CSMD1: variants seen among roughly 807,000 people sequenced by gnomAD.
CSMD1 encodes the protein CUB and sushi domain-containing protein 1.
Under a neutral mutation model 417.5 loss-of-function variants are expected in CSMD1, and 213 were observed. The ratio of observed to expected loss-of-function variants is 0.51; its 90% confidence interval spans 0.46 to 0.57. The LOEUF (loss-of-function observed/expected upper bound fraction) is 0.57. Among genes scored for constraint, CSMD1 ranks in the 20% least tolerant of loss-of-function variants. CSMD1 has a pLI of 0.00. For missense variants in CSMD1, 6,923 were observed against 4,529.7 expected (o/e 1.53, Z -15.17); for synonymous variants, 2,862 against 1,736.8 (o/e 1.65, Z -16.11).
intron 5 of CSMD1, among the ~76,000 whole-genome samples, chr8:3,876,915 C>A (rs565895125): frequency 6.6e-6 from 1 of 152,202 alleles, no homozygotes; most frequent in Non-Finnish European, 1.5e-5. Flanking sequence ...TCTGTCCAGC[C>A]TCTCATGCTT....
chr8:3,995,140 A>C (rs969413703), intron 5 of CSMD1, among the ~76,000 whole-genome samples: 3 of 152,228 alleles, frequency 2.0e-5, no homozygotes, highest in African/African-American at 7.2e-5. Flanking sequence ...TAGGCTTTTT[A>C]AGATAAATCA....
At chr8:4,118,507 G>A (rs575413587) in intron 3 of CSMD1, among the ~76,000 whole-genome samples, 57 of 152,226 alleles carry the variant, frequency 3.7e-4, no homozygotes, top group African/African-American at 1.3e-3. Flanking sequence ...ATCATCACTG[G>A]TCACTAGAGA....
chr8:4,704,792 T>G (rs1427631163), intron 1 of CSMD1, among the ~76,000 whole-genome samples: 1 of 152,212 alleles, frequency 6.6e-6, no homozygotes, highest in Non-Finnish European at 1.5e-5. Flanking sequence ...GCAGTTGTCC[T>G]AACCAGCCTG....
intron 3 of CSMD1, among the ~76,000 whole-genome samples, chr8:4,065,533 C>G (rs962620203): frequency 2.0e-5 from 3 of 146,970 alleles, no homozygotes; most frequent in African/African-American, 7.6e-5. Context: ...TATCAAGAAA[C>G]TGTATGTTTC....
At chr8:3,055,413 A>G (rs1812148985) in intron 49 of CSMD1, among the ~76,000 whole-genome samples, 1 of 152,190 alleles carries the variant, frequency 6.6e-6, no homozygotes, top group African/African-American at 2.4e-5. Flanking sequence ...ACGGTTGGCA[A>G]TGGGTCAAAA....
chr8:3,056,068 C>T lies in CSMD1; in HGVS notation c.7475-3421G>A, dbSNP rs530878517. Among the ~76,000 whole-genome samples the T allele has an allele frequency of 4.6e-5, 7 of 152,334 alleles. No individual in the cohort carries two copies. In the South Asian group the frequency reaches 1.0e-3, roughly 23 times the overall value. On this transcript the variant is annotated intron_variant, in intron 49 of 69. Transcript: ENST00000635120. ...GAATATGTTTTGTATTACACATACA[C>T]ACATAAAATTTTTACTTATTTATTT...
chr8:3,540,310 C>G (rs1408466022), intron 10 of CSMD1, among the ~76,000 whole-genome samples: 1 of 152,128 alleles, frequency 6.6e-6, no homozygotes, highest in African/African-American at 2.4e-5. Flanking sequence ...GATAACTCTT[C>G]TTAGAAATAC....
intron 25 of CSMD1, among the ~76,000 whole-genome samples, chr8:3,305,726 T>G (rs114775627): frequency 2.0e-5 from 3 of 152,148 alleles, no homozygotes; most frequent in African/African-American, 7.2e-5. Context: ...GTTGCCCAGG[T>G]TGGAGTACAG....
At chr8:3,010,379 G>C (rs1177104634) in intron 52 of CSMD1, among the ~76,000 whole-genome samples, 2 of 152,122 alleles carry the variant, frequency 1.3e-5, no homozygotes, top group East Asian at 1.9e-4. Context: ...TGTGCATCAG[G>C]ACTCAGCTCA....
At chr8:4,114,470 T>G (rs1210927986) in intron 3 of CSMD1, among the ~76,000 whole-genome samples, 2 of 152,184 alleles carry the variant, frequency 1.3e-5, no homozygotes, top group African/African-American at 2.4e-5. Flanking sequence ...CTTAAAGAGA[T>G]TAATGTTGTC....
chr8:4,571,053 G>A (rs1014164753), intron 2 of CSMD1, among the ~76,000 whole-genome samples: 1 of 151,956 alleles, frequency 6.6e-6, no homozygotes, highest in African/African-American at 2.4e-5. Context: ...TATTAGTCTG[G>A]CTAGCAGTCT....
At position 3,311,051 on chromosome 8, in the gene CSMD1, T is replaced by TGGGAAATAAACCCATC. The variant is rs1563258560; in HGVS notation, c.3632-2549_3632-2548insGATGGGTTTATTTCCC. ...TGAGGTTACGTCCCAATAAACCCATTAAGAGTGGGAAATACCTTAAGCAGA... is the reference window on the plus strand; with the variant it reads ...TGAGGTTACGTCCCAATAAACCCATTGGGAAATAAACCCATCAAGAGTGGGAAATACCTTAAGCAGA... On this transcript the variant is annotated intron_variant, in intron 23 of 69. Coordinates refer to ENST00000635120, the MANE Select transcript of CSMD1 (RefSeq NM_033225.6). Among the ~76,000 whole-genome samples the TGGGAAATAAACCCATC allele has an allele frequency of 8.5e-5, 13 of 152,198 alleles. No homozygotes were observed. The East Asian group carries it at 2.5e-3, about 29-fold the overall frequency.
intron 37 of CSMD1, among the ~76,000 whole-genome samples, chr8:3,167,761 T>C (rs913717825): frequency 2.6e-5 from 4 of 152,184 alleles, no homozygotes; most frequent in Admixed American, 2.0e-4. Context: ...CACCTACCAC[T>C]GATCATAAAA....
Position 4,734,403 on chromosome 8 carries a change from T to G in CSMD1, c.86-96845A>C, listed in dbSNP as rs111711043. On this transcript the variant is annotated intron_variant, in intron 1 of 69. Coordinates refer to ENST00000635120, the MANE Select transcript of CSMD1 (RefSeq NM_033225.6). ...ATGCATGTTTGTGCAATTTTTCTTT[T>G]GTTTAGTGAGTCCCTGAAAAAAAAA... Among the ~76,000 whole-genome samples the G allele has an allele frequency of 8.3e-3, 1,261 of 152,266 alleles. 22 individuals carry two copies. Among genetic ancestry groups the G allele is most frequent in the African/African-American group, 0.03 (1,231 of 41,552 alleles).
chr8:4,489,857 G>A (rs1254827900), intron 2 of CSMD1, among the ~76,000 whole-genome samples: 1 of 152,092 alleles, frequency 6.6e-6, no homozygotes, highest in African/African-American at 2.4e-5. Context: ...TCGTAAGCAG[G>A]GTGCCCAGCC....
chr8:3,902,459 T>C (rs1807820138), intron 5 of CSMD1, among the ~76,000 whole-genome samples: 1 of 152,130 alleles, frequency 6.6e-6, no homozygotes. Flanking sequence ...GACATTTTTT[T>C]TTCCATGGAC....
chr8:4,576,161 T>G (rs116731717), intron 2 of CSMD1, among the ~76,000 whole-genome samples: 1 of 152,264 alleles, frequency 6.6e-6, no homozygotes, highest in Admixed American at 6.5e-5. Context: ...TGCAGGACTG[T>G]CGAGTTATGT....
At chr8:4,414,935 G>C (rs140053459) in intron 3 of CSMD1, among the ~76,000 whole-genome samples, 18 of 152,186 alleles carry the variant, frequency 1.2e-4, no homozygotes, top group Non-Finnish European at 2.5e-4. Context: ...TCCATGTTCT[G>C]TCTTCTCCCT....
chr8:3,790,823 A>G (rs1799694828), intron 5 of CSMD1, among the ~76,000 whole-genome samples: 1 of 152,122 alleles, frequency 6.6e-6, no homozygotes. Flanking sequence ...GGACCTGGAG[A>G]TGTCAGAGCC....
Sources: allele counts gnomAD v4.1 joint callset (sites outside exome capture counted in the v4.1 genomes callset), GRCh38; gene constraint gnomAD v4.1.1; transcripts MANE v1.5; gene names NCBI Gene and HGNC (gene_info 2026-07-23, HGNC 2026-07-21).